Variants in NOVA1 observed in about 807,000 individuals in gnomAD.
NOVA1 encodes RNA-binding protein Nova-1.
NOVA1 carries 7 observed loss-of-function variants against 38.0 expected under a neutral mutation model. The observed-to-expected ratio is 0.18, with a 90% CI of 0.10 to 0.35. NOVA1 has a LOEUF of 0.35. NOVA1 is among the 10% of genes least tolerant of loss of function. The pLI is 1.00. For missense variants in NOVA1, 460 were observed against 616.0 expected (o/e 0.75, Z 2.68); for synonymous variants, 270 against 232.5 (o/e 1.16, Z -1.47).
intron 2 of NOVA1, among the ~76,000 whole-genome samples, chr14:26,555,138 T>C (rs1012093857): frequency 6.6e-6 from 1 of 152,112 alleles, no homozygotes; most frequent in African/African-American, 2.4e-5. Context: ...TCAATATTCA[T>C]GTTGCAGTAA....
chr14:26,455,466 T>G (rs1883087672), intron 4 of NOVA1, among the ~76,000 whole-genome samples: 2 of 152,112 alleles, frequency 1.3e-5, no homozygotes, highest in Admixed American at 1.3e-4. Flanking sequence ...TTAGTGAGAC[T>G]GAGGATAAGG....
chr14:26,548,171 T>C (rs766360488), intron 2 of NOVA1, among the ~76,000 whole-genome samples: 1 of 152,016 alleles, frequency 6.6e-6, no homozygotes, highest in African/African-American at 2.4e-5. Context: ...TTAACACAAA[T>C]AATATTCTAA....
At position 26,450,187 on chromosome 14, in the gene NOVA1, T is replaced by C. The variant is rs370361712; in HGVS notation, c.520-1224A>G. Among the ~76,000 whole-genome samples, 73 of 152,240 alleles carry C rather than the reference T, an allele frequency of 4.8e-4. No individual in the cohort carries two copies. In the South Asian group the frequency reaches 0.015, roughly 31 times the overall value. On this transcript the variant is annotated intron_variant, in intron 4 of 4. Coordinates refer to ENST00000539517, the MANE Select transcript of NOVA1 (RefSeq NM_002515.3). ...CAGGACATTTAGTTGTTTGAGGTAT[T>C]CTATGAGGGATTTCATTAGCTAATT...
Position 26,447,903 on chromosome 14 carries a change from T to C in NOVA1, c.*56A>G. The C allele has an allele frequency of 7.1e-7, 1 of 1,417,910 alleles. No individual in the cohort carries two copies. The allele number at this position is 1,417,910 out of a possible 1,614,324, so 87.8% of individuals were successfully genotyped here. On this transcript the variant is annotated 3_prime_UTR_variant, in exon 5 of 5. Transcript: ENST00000539517. ...CACTTCTGCAAAGTACAGTACATCCTTCTTGAAAATGGGGTAAAGGAGGGG... is the reference window on the plus strand; with the variant it reads ...CACTTCTGCAAAGTACAGTACATCCCTCTTGAAAATGGGGTAAAGGAGGGG...
intron 4 of NOVA1, among the ~76,000 whole-genome samples, chr14:26,468,810 C>A (rs1884354971): frequency 6.6e-6 from 1 of 152,094 alleles, no homozygotes; most frequent in Admixed American, 6.6e-5. Flanking sequence ...TAATTTCAAA[C>A]TTATCAGTAA....
intron 4 of NOVA1, among the ~76,000 whole-genome samples, chr14:26,470,988 T>C (rs1339030674): frequency 6.6e-6 from 1 of 152,110 alleles, no homozygotes; most frequent in African/African-American, 2.4e-5. Context: ...AAAATGTAAG[T>C]ATACTTTTAA....
Position 26,447,837 on chromosome 14 carries a change from G to T in NOVA1, c.*122C>A, listed in dbSNP as rs1047160197. On this transcript the variant is annotated 3_prime_UTR_variant, in exon 5 of 5. Coordinates refer to ENST00000539517, the MANE Select transcript of NOVA1 (RefSeq NM_002515.3). ...ACATATACACATTGTCAACATAGTC[G>T]CATTCATTTGCATAATTATATATTA... 1 of 688,664 alleles carries T rather than the reference G, an allele frequency of 1.5e-6. No homozygotes were observed. Among genetic ancestry groups the T allele is most frequent in the Non-Finnish European group, 2.5e-6 (1 of 402,676 alleles). The allele number at this position is 688,664 out of a possible 1,614,324, so 42.7% of individuals were successfully genotyped here.
chr14:26,470,358 T>C (rs1049538337), intron 4 of NOVA1: 7 of 1,489,870 alleles, frequency 4.7e-6, no homozygotes, highest in East Asian at 2.4e-5. Flanking sequence ...TGGAAAATAC[T>C]GTTGGGGAGA....
intron 2 of NOVA1, among the ~76,000 whole-genome samples, chr14:26,522,733 T>C (rs1197353062): frequency 6.6e-6 from 1 of 152,114 alleles, no homozygotes; most frequent in Non-Finnish European, 1.5e-5. Flanking sequence ...GAACTGACAC[T>C]CTGTGAAATT....
intron 2 of NOVA1, among the ~76,000 whole-genome samples, chr14:26,527,088 A>C (rs1388042374): frequency 1.0e-5 from 1 of 97,986 alleles, no homozygotes; most frequent in African/African-American, 4.0e-5. Flanking sequence ...CCCCAAGGAA[A>C]ACTGTTTAAA....
rs543891307 is a variant in NOVA1 at position 26,582,899 on chromosome 14, G to A, written c.280+12511C>T. ...CCTAGTAATACAGTACATTAAACAT[G>A]CCATTTCAGATATATGCCAACCTAA... On this transcript the variant is annotated intron_variant, in intron 2 of 4. Transcript: ENST00000539517. Among the ~76,000 whole-genome samples the A allele has an allele frequency of 2.0e-4, 30 of 151,840 alleles. No individual in the cohort carries two copies. In the South Asian group the frequency reaches 3.9e-3, roughly 20 times the overall value.
chr14:26,462,025 A>G (rs1420508557), intron 4 of NOVA1, among the ~76,000 whole-genome samples: 1 of 152,210 alleles, frequency 6.6e-6, no homozygotes, highest in Non-Finnish European at 1.5e-5. Flanking sequence ...ACTGTATTTA[A>G]TAATAGTCAA....
At chr14:26,472,412 G>A (rs779608990) in intron 3 of NOVA1, 21 bp from the exon 4 acceptor site, 1 of 1,364,060 alleles carries the variant, frequency 7.3e-7, no homozygotes, top group South Asian at 1.6e-5. Flanking sequence ...AAGCAGTTCA[G>A]GAGCAAATCA....
intron 3 of NOVA1, among the ~76,000 whole-genome samples, chr14:26,475,238 C>T (rs1408282284): frequency 2.0e-5 from 3 of 151,990 alleles, no homozygotes; most frequent in Admixed American, 6.6e-5. Context: ...CGCTTTGTTG[C>T]CCAGGCTGGT....
intron 4 of NOVA1, among the ~76,000 whole-genome samples, chr14:26,469,002 T>C (rs2138240050): frequency 6.6e-6 from 1 of 152,318 alleles, no homozygotes; most frequent in Admixed American, 6.5e-5. Flanking sequence ...TAACTTAGTA[T>C]TAATAACTTA....
At chr14:26,574,170 C>A (rs535882033) in intron 2 of NOVA1, among the ~76,000 whole-genome samples, 2 of 151,522 alleles carry the variant, frequency 1.3e-5, no homozygotes, top group Non-Finnish European at 2.9e-5. Context: ...GGATTACAGG[C>A]ACCTGTTACC....
intron 2 of NOVA1, among the ~76,000 whole-genome samples, chr14:26,537,885 T>A (rs914800436): frequency 1.3e-5 from 2 of 152,146 alleles, no homozygotes; most frequent in African/African-American, 4.8e-5. Flanking sequence ...TGGGAATAGC[T>A]CCTCTATGGA....
At chr14:26,569,946 AGAT>A (rs113878721) in intron 2 of NOVA1, among the ~76,000 whole-genome samples, 7,314 of 152,282 alleles carry the variant, frequency 0.048, 530 homozygotes, top group African/African-American at 0.16. Flanking sequence ...TGCTTTTGCT[AGAT>A]GATAATTCTG....
intron 4 of NOVA1, among the ~76,000 whole-genome samples, chr14:26,457,881 C>T (rs1408595171): frequency 6.6e-6 from 1 of 151,934 alleles, no homozygotes; most frequent in Admixed American, 6.6e-5. Context: ...ATGATACCAT[C>T]CCTGTATAGG....
Sources: allele counts gnomAD v4.1 joint callset (sites outside exome capture counted in the v4.1 genomes callset), GRCh38; gene constraint gnomAD v4.1.1; transcripts MANE v1.5; gene names NCBI Gene and HGNC (gene_info 2026-07-23, HGNC 2026-07-21).